The following TXNDC16 variants were observed in gnomAD, a reference collection of about 807,000 sequenced individuals.
TXNDC16 encodes thioredoxin domain-containing protein 16.
In TXNDC16, 74 loss-of-function variants were observed where a neutral mutation model predicts 85.6. The ratio of observed to expected loss-of-function variants is 0.86; its 90% CI spans 0.72 to 1.05. TXNDC16 has a LOEUF of 1.05. TXNDC16 is among the 50% of genes least tolerant of loss of function. The probability of loss-of-function intolerance (pLI) is 0.00; values close to 1 mark genes in which losing one functional copy is unlikely to be tolerated. For missense variants in TXNDC16, 959 were observed against 947.0 expected (o/e 1.01, Z -0.17); for synonymous variants, 335 against 326.5 (o/e 1.03, Z -0.28).
chr14:52,546,035 C>T (rs1243394154), intron 1 of TXNDC16, among the ~76,000 whole-genome samples: 2 of 151,910 alleles, frequency 1.3e-5, no homozygotes, highest in African/African-American at 2.4e-5. Context: ...CTTACAATTC[C>T]AGCCCTCTGG....
intron 6 of TXNDC16, among the ~76,000 whole-genome samples, chr14:52,525,779 T>TA (rs1594753495): frequency 1.3e-5 from 2 of 150,586 alleles, no homozygotes; most frequent in African/African-American, 4.8e-5. Context: ...CTTTTCTAAA[T>TA]ACAATCATCT....
At chr14:52,454,531 C>T (rs911904365) in intron 18 of TXNDC16, among the ~76,000 whole-genome samples, 2 of 149,072 alleles carry the variant, frequency 1.3e-5, no homozygotes, top group African/African-American at 2.5e-5. Context: ...AGGCTGGGCA[C>T]GGTGGCTTAT....
chr14:52,483,842 G>A (rs2036204088), intron 12 of TXNDC16, among the ~76,000 whole-genome samples: 1 of 152,148 alleles, frequency 6.6e-6, no homozygotes. Context: ...TGTAGAGATT[G>A]TACGGTAAGA....
chr14:52,482,488 G>A (rs926570327), intron 13 of TXNDC16, among the ~76,000 whole-genome samples, 199 bp from the exon 14 acceptor site: 9 of 151,940 alleles, frequency 5.9e-5, no homozygotes, highest in Non-Finnish European at 1.2e-4. Context: ...TGTACTGCAA[G>A]GAATATAGCT....
chr14:52,528,572 C>T (rs2037392735), intron 6 of TXNDC16, among the ~76,000 whole-genome samples: 1 of 151,438 alleles, frequency 6.6e-6, no homozygotes, highest in South Asian at 2.1e-4. Flanking sequence ...TATATATATA[C>T]ACAGCTCTTA....
rs1342765835 is a variant in TXNDC16 at position 52,431,777 on chromosome 14, A to T, written c.*527T>A. ...GACAAACGCTGATTTTAATATCATG[A>T]CTCCAATAAAACAAATATAACTGTC... On this transcript the variant is annotated 3_prime_UTR_variant, in exon 21 of 21. Transcript: ENST00000281741. The T allele has an allele frequency of 6.6e-6, 1 of 152,182 alleles. No homozygotes were observed. The highest frequency in any genetic ancestry group is 1.9e-4 in the East Asian group (1 of 5,206). The allele number at this position is 152,182 out of a possible 1,614,324, so 9.4% of individuals were successfully genotyped here.
chr14:52,482,987 T>A (rs985640874), intron 12 of TXNDC16, 22 bp from the exon 13 acceptor site: 28 of 1,576,528 alleles, frequency 1.8e-5, no homozygotes, highest in Non-Finnish European at 2.4e-5. Context: ...GAAAAGAAAT[T>A]AATTTAAATA....
At chr14:52,511,182 C>A (rs77986427) in intron 9 of TXNDC16, 58 bp downstream of exon 9, 3 of 1,354,060 alleles carry the variant, frequency 2.2e-6, no homozygotes, top group South Asian at 2.1e-5. Flanking sequence ...AAGACACATA[C>A]CTTTTGCAAT....
intron 8 of TXNDC16, 60 bp from the exon 9 acceptor site, chr14:52,511,450 A>G (rs1484806351): frequency 6.2e-6 from 7 of 1,132,102 alleles, no homozygotes; most frequent in Non-Finnish European, 8.5e-6. Flanking sequence ...CTACCATCCA[A>G]TAAGCTGTAA....
intron 6 of TXNDC16, among the ~76,000 whole-genome samples, chr14:52,530,032 ATTT>A (rs1381293737): frequency 3.3e-5 from 3 of 90,320 alleles, no homozygotes; most frequent in Non-Finnish European, 5.8e-5. Flanking sequence ...TGTTATAATT[ATTT>A]TTATGTAATT....
In TXNDC16 at chr14:52,510,555, T is replaced by C. The variant is rs1465276215; in HGVS notation, c.756+685A>G. Among the ~76,000 whole-genome samples, 4 of 124,342 alleles carry C rather than the reference T, an allele frequency of 3.2e-5. No homozygotes were observed. The Admixed American group carries it at 3.4e-4, about 11-fold the overall frequency. The allele number at this position is 124,342 out of a possible 152,430, so 81.6% of individuals were successfully genotyped here. A position where few individuals can be genotyped will look rare whatever the true frequency, so the allele number is the denominator to read the frequency against. On this transcript the variant is annotated intron_variant, in intron 9 of 20. Transcript: ENST00000281741. Reference sequence around the variant, plus strand: ...ATCACAAGTGTGGTGGTCATCTAAATTAACTTCTGAGTAGACGGATTAAGT... The same window carrying C: ...ATCACAAGTGTGGTGGTCATCTAAACTAACTTCTGAGTAGACGGATTAAGT...
chr14:52,457,247 T>C, intron 16 of TXNDC16, 73 bp from the exon 17 acceptor site: 1 of 766,246 alleles, frequency 1.3e-6, no homozygotes, highest in Non-Finnish European at 2.1e-6. Context: ...ATGAAGAGAT[T>C]TATAGGTGGT....
intron 4 of TXNDC16, among the ~76,000 whole-genome samples, chr14:52,538,063 CTT>C (rs1382632824): frequency 6.6e-6 from 1 of 152,172 alleles, no homozygotes; most frequent in Non-Finnish European, 1.5e-5. Context: ...CCATCCTTCC[CTT>C]TTGTTTACTA....
intron 5 of TXNDC16, among the ~76,000 whole-genome samples, chr14:52,537,029 G>A (rs1431044881): frequency 1.3e-5 from 2 of 150,868 alleles, no homozygotes; most frequent in Admixed American, 6.6e-5. Flanking sequence ...AAAAAAATAG[G>A]AGTCCAAACA....
intron 11 of TXNDC16, 143 bp downstream of exon 11, chr14:52,490,248 T>C (rs2036368697): frequency 5.8e-6 from 3 of 516,680 alleles, no homozygotes; most frequent in Non-Finnish European, 3.3e-6. Flanking sequence ...GATAAAAACA[T>C]CAAAACGTTA....
chr14:52,530,849 T>C (rs1009975903), intron 6 of TXNDC16, among the ~76,000 whole-genome samples: 2 of 151,296 alleles, frequency 1.3e-5, no homozygotes, highest in Non-Finnish European at 2.9e-5. Context: ...TATGCAGGCA[T>C]ATATTTTTAA....
chr14:52,446,116 T>A (rs1319137437), intron 18 of TXNDC16, among the ~76,000 whole-genome samples: 1 of 152,102 alleles, frequency 6.6e-6, no homozygotes, highest in Non-Finnish European at 1.5e-5. Flanking sequence ...ATCAGGTGAG[T>A]ACTCACAGTA....
At chr14:52,507,424 C>T (rs975587818) in intron 9 of TXNDC16, among the ~76,000 whole-genome samples, 11 of 152,034 alleles carry the variant, frequency 7.2e-5, no homozygotes, top group African/African-American at 1.9e-4. Context: ...AGGATACAAA[C>T]AAATGGAAGA....
intron 6 of TXNDC16, among the ~76,000 whole-genome samples, chr14:52,529,900 T>C (rs1195850586): frequency 9.6e-6 from 1 of 104,452 alleles, no homozygotes; most frequent in African/African-American, 3.9e-5. Flanking sequence ...ATATATTATA[T>C]ATTATATATT....
Sources: gnomAD v4.1 joint callset for allele counts (sites outside exome capture counted in the v4.1 genomes callset) on GRCh38, gnomAD v4.1.1 for gene constraint, MANE v1.5 for transcripts, NCBI Gene and HGNC (gene_info 2026-07-23, HGNC 2026-07-21) for gene names.